DMD: variants seen among roughly 807,000 people sequenced by gnomAD.
DMD encodes the protein dystrophin.
Under a neutral mutation model 330.1 loss-of-function variants are expected in DMD, and 63 were observed. The observed-to-expected ratio is 0.19, with a 90% confidence interval of 0.16 to 0.24. The LOEUF is 0.24. Among genes scored for constraint, DMD ranks in the 10% least tolerant of loss-of-function variants. The pLI is 1.00. For synonymous variants in DMD, 1,223 were observed against 959.8 expected, an observed-to-expected ratio of 1.27 and a Z score of -5.07; for missense variants, 3,344 against 2,684.1, an observed-to-expected ratio of 1.25 and a Z score of -5.43.
chrX:31,454,182 C>A lies in DMD; in HGVS notation c.8938-9555G>T, dbSNP rs112724266. Among the ~76,000 whole-genome samples the A allele has an allele frequency of 3.7e-3, 413 of 111,109 alleles. 1 individual carries two copies. The highest frequency in any genetic ancestry group is 0.013 in the African/African-American group (388 of 30,571). ...AGATAGAGTTTTGCTCTTGTCGCCCCGGCTGGAGTGCAATGGTGCGATCTG... is the reference window on the plus strand; with the variant it reads ...AGATAGAGTTTTGCTCTTGTCGCCCAGGCTGGAGTGCAATGGTGCGATCTG... On this transcript the variant is annotated intron_variant, in intron 59 of 78. Transcript: ENST00000357033.
intron 1 of DMD, among the ~76,000 whole-genome samples, chrX:33,065,092 T>A (rs1489537955): frequency 9.0e-6 from 1 of 111,046 alleles, no homozygotes; most frequent in East Asian, 2.8e-4. Context: ...CTTGCTCGAT[T>A]AGGTTTGGTG....
At chrX:31,857,813 ATGCAC>A (rs2093639938) in intron 48 of DMD, among the ~76,000 whole-genome samples, 1 of 100,160 alleles carries the variant, frequency 1.0e-5, no homozygotes. Context: ...TATCCCCTAT[ATGCAC>A]AGATACATAT....
At chrX:32,284,577 C>A in intron 43 of DMD, among the ~76,000 whole-genome samples, 1 of 111,766 alleles carries the variant, frequency 8.9e-6, no homozygotes, top group Non-Finnish European at 1.9e-5. Context: ...CCACTAAGCT[C>A]CCCACATATA....
chrX:32,645,841 GT>G (rs2059747654), intron 9 of DMD, among the ~76,000 whole-genome samples: 1 of 112,260 alleles, frequency 8.9e-6, no homozygotes, highest in African/African-American at 3.2e-5. Context: ...AATGCAAATG[GT>G]TGTCTTGGAA....
chrX:31,833,493 C>T (rs34148237), intron 49 of DMD, among the ~76,000 whole-genome samples: 40,212 of 110,247 alleles, frequency 0.36, 5,485 homozygotes, highest in East Asian at 0.68. Context: ...ACTACCTATA[C>T]GTCATTAGTA....
At chrX:32,112,663 A>C (rs1268465732) in intron 44 of DMD, among the ~76,000 whole-genome samples, 1 of 112,258 alleles carries the variant, frequency 8.9e-6, no homozygotes, top group Non-Finnish European at 1.9e-5. Flanking sequence ...AGAAAACAAT[A>C]GGGCAGAGGA....
intron 53 of DMD, among the ~76,000 whole-genome samples, chrX:31,665,080 A>T (rs1301377269): frequency 1.8e-5 from 2 of 111,898 alleles, no homozygotes; most frequent in Non-Finnish European, 3.8e-5. Flanking sequence ...TGACATAGCT[A>T]GTCAGTGAAA....
chrX:31,422,041 A>ATT (rs755714075), intron 60 of DMD, among the ~76,000 whole-genome samples: 1 of 10,919 alleles, frequency 9.2e-5, no homozygotes, highest in African/African-American at 1.4e-4. Context: ...ATATATATAT[A>ATT]TATTTTTTTT....
chrX:32,718,040 G>A (rs1656943884), intron 7 of DMD, among the ~76,000 whole-genome samples: 1 of 111,432 alleles, frequency 9.0e-6, no homozygotes, highest in Non-Finnish European at 1.9e-5. Flanking sequence ...CTTAGTCTCA[G>A]ATGAGACTTT....
At chrX:32,270,538 T>C (rs147598410) in intron 43 of DMD, among the ~76,000 whole-genome samples, 15 of 112,209 alleles carry the variant, frequency 1.3e-4, no homozygotes, top group African/African-American at 4.9e-4. Flanking sequence ...ACTCTTGAAA[T>C]GGGTTCACTA....
chrX:32,713,991 A>G (rs1209218474), intron 7 of DMD, among the ~76,000 whole-genome samples: 2 of 112,168 alleles, frequency 1.8e-5, no homozygotes, highest in African/African-American at 6.5e-5. Flanking sequence ...ATAAAAACTA[A>G]AGTACTGAAT....
intron 5 of DMD, among the ~76,000 whole-genome samples, chrX:32,822,102 C>A (rs748264883): frequency 3.6e-5 from 4 of 111,691 alleles, no homozygotes; most frequent in Non-Finnish European, 7.5e-5. Context: ...AAACAGCAGT[C>A]ATTTCTCAGC....
At chrX:31,235,203 A>G (rs1017029202) in intron 63 of DMD, among the ~76,000 whole-genome samples, 1 of 112,038 alleles carries the variant, frequency 8.9e-6, no homozygotes, top group Non-Finnish European at 1.9e-5. Flanking sequence ...GTACATACAG[A>G]AACATATAAT....
chrX:32,733,616 A>T (rs1037740800), intron 7 of DMD, among the ~76,000 whole-genome samples: 5 of 111,527 alleles, frequency 4.5e-5, no homozygotes, highest in African/African-American at 1.6e-4. Context: ...ATCTCACTCA[A>T]AACCGCTCAA....
intron 62 of DMD, chrX:31,266,753 C>G: frequency 1.8e-6 from 2 of 1,118,951 alleles, no homozygotes; most frequent in Admixed American, 2.3e-5. Flanking sequence ...CCCCTGCTCG[C>G]GCCACAAGTG....
Position 31,380,522 on chromosome X carries a change from C to A in DMD, c.9085-31888G>T, listed in dbSNP as rs895465169. ...CCCACAGCACGCTTTAAAAGGATTACAGTCTGTTATCACTCGCCTGCTACA... is the reference window on the plus strand; with the variant it reads ...CCCACAGCACGCTTTAAAAGGATTAAAGTCTGTTATCACTCGCCTGCTACA... On this transcript the variant is annotated intron_variant, in intron 60 of 78. Transcript: ENST00000357033. Among the ~76,000 whole-genome samples, 16 of 111,342 alleles carry A rather than the reference C, an allele frequency of 1.4e-4. 1 individual carries two copies. Among genetic ancestry groups the A allele is most frequent in the Admixed American group, 7.7e-4 (8 of 10,415 alleles).
chrX:31,392,368 A>G (rs141290412), intron 60 of DMD, among the ~76,000 whole-genome samples: 33 of 112,759 alleles, frequency 2.9e-4, no homozygotes, highest in African/African-American at 1.0e-3. Flanking sequence ...TTAAATTCCT[A>G]TTATGTGAGA....
chrX:31,931,560 G>A (rs1378351102), intron 46 of DMD, among the ~76,000 whole-genome samples: 1 of 110,899 alleles, frequency 9.0e-6, no homozygotes, highest in African/African-American at 3.3e-5. Context: ...AGAGGCTGAA[G>A]TGGTGAGACT....
At chrX:32,729,372 C>A (rs756961615) in intron 7 of DMD, among the ~76,000 whole-genome samples, 2 of 111,928 alleles carry the variant, frequency 1.8e-5, no homozygotes, top group Non-Finnish European at 3.8e-5. Flanking sequence ...AATATTTAGT[C>A]TTGAGGCACA....
Sources: allele counts gnomAD v4.1 joint callset (sites outside exome capture counted in the v4.1 genomes callset), GRCh38; gene constraint gnomAD v4.1.1; transcripts MANE v1.5; gene names NCBI Gene and HGNC (gene_info 2026-07-23, HGNC 2026-07-21).